SCAMP1: variants seen among roughly 807,000 people sequenced by gnomAD.
SCAMP1 encodes secretory carrier-associated membrane protein 1.
Under a neutral mutation model 41.8 loss-of-function variants are expected in SCAMP1, and 15 were observed. The observed-to-expected ratio is 0.36, with a 90% CI of 0.24 to 0.55. The LOEUF (loss-of-function observed/expected upper bound fraction) is 0.55. Ranked by LOEUF, SCAMP1 falls within the 20% of genes least tolerant of loss-of-function variation. The probability of loss-of-function intolerance (pLI) is 0.86; values close to 1 mark genes in which losing one functional copy is unlikely to be tolerated. For synonymous variants in SCAMP1, 135 were observed against 136.8 expected (o/e 0.99, Z 0.09); for missense variants, 341 against 412.6 (o/e 0.83, Z 1.50).
At chr5:78,415,653 C>G (rs1752193124) in intron 3 of SCAMP1, 35 bp downstream of exon 3, 4 of 1,234,696 alleles carry the variant, frequency 3.2e-6, no homozygotes, top group Admixed American at 2.0e-5. Context: ...TTCATATTGG[C>G]CATTATAATA....
chr5:78,436,475 T>C (rs968148492), intron 6 of SCAMP1, among the ~76,000 whole-genome samples: 3 of 152,246 alleles, frequency 2.0e-5, no homozygotes, highest in South Asian at 2.1e-4. Context: ...ATTTATTAAA[T>C]AGGGAATCCT....
chr5:78,447,196 G>A (rs950709520), intron 6 of SCAMP1, among the ~76,000 whole-genome samples: 2 of 152,156 alleles, frequency 1.3e-5, no homozygotes, highest in African/African-American at 4.8e-5. Flanking sequence ...CCACGAAACA[G>A]GTCCCTGGTG....
intron 2 of SCAMP1, among the ~76,000 whole-genome samples, chr5:78,404,453 G>GTTTTTTT (rs3058233): frequency 0.2 from 19,786 of 97,264 alleles, 2,254 homozygotes; most frequent in East Asian, 0.38. Context: ...AGCCTTACAG[G>GTTTTTTT]TTTTTTTTTT....
intron 1 of SCAMP1, among the ~76,000 whole-genome samples, chr5:78,369,036 A>G (rs1750870711): frequency 6.6e-6 from 1 of 151,894 alleles, no homozygotes; most frequent in African/African-American, 2.4e-5. Flanking sequence ...GTAATGTCTC[A>G]GGGAATAGGG....
chr5:78,442,028 C>T (rs1455365745), intron 6 of SCAMP1, among the ~76,000 whole-genome samples: 2 of 152,090 alleles, frequency 1.3e-5, no homozygotes, highest in Admixed American at 6.5e-5. Flanking sequence ...ACTCGGGAGG[C>T]TGAGGTGGGA....
At chr5:78,376,986 A>G (rs1751080357) in intron 1 of SCAMP1, among the ~76,000 whole-genome samples, 1 of 152,162 alleles carries the variant, frequency 6.6e-6, no homozygotes, top group South Asian at 2.1e-4. Flanking sequence ...AAGCTTAGAT[A>G]TGAAGAAGAT....
chr5:78,378,971 G>A (rs1229209651), intron 1 of SCAMP1, among the ~76,000 whole-genome samples: 6 of 152,188 alleles, frequency 3.9e-5, no homozygotes, highest in Non-Finnish European at 7.3e-5. Flanking sequence ...CCAGGTGACC[G>A]CAATGCGTGC....
chr5:78,459,266 T>A lies in SCAMP1; in HGVS notation c.756T>A (p.Thr252=). 4 of 1,586,984 alleles carry A rather than the reference T, an allele frequency of 2.5e-6. No homozygotes were observed. Among genetic ancestry groups the A allele is most frequent in the Non-Finnish European group, 3.5e-6 (4 of 1,156,452 alleles). Residue 252 remains threonine, a synonymous_variant, in exon 8 of 9, where the codon ACT becomes ACA. Transcript: ENST00000621999. ...TTAGTGGTTGGATTTCATCCCTTAC[T>A]GGTCTCAACCAAAATATTCCTGTTG... ...WGNCGWISSL[T]GLNQNIPVGI...
At chr5:78,381,854 G>A (rs1030423940) in intron 1 of SCAMP1, among the ~76,000 whole-genome samples, 64 of 152,216 alleles carry the variant, frequency 4.2e-4, no homozygotes, top group Admixed American at 3.9e-3. Flanking sequence ...CAGGCTAGAT[G>A]GTTAGAAGCC....
Position 78,477,181 on chromosome 5 carries a change from G to A in SCAMP1, c.*1513G>A, listed in dbSNP as rs1160814972. 2 of 152,112 alleles carry A rather than the reference G, an allele frequency of 1.3e-5. No individual in the cohort carries two copies. The highest frequency in any genetic ancestry group is 4.8e-5 in the African/African-American group (2 of 41,428). 9.4% of individuals were successfully genotyped at this position (152,112 alleles called of 1,614,324 possible). A position where few individuals can be genotyped will look rare whatever the true frequency, so the allele number is the denominator to read the frequency against. On this transcript the variant is annotated 3_prime_UTR_variant, in exon 9 of 9. Transcript: ENST00000621999. ...TAGTTACAGAAAAAGTTTTATGCTA[G>A]AGGTGGGATGCCAAGTTTTCACTAT...
At chr5:78,388,001 G>A (rs1274237693) in intron 1 of SCAMP1, among the ~76,000 whole-genome samples, 1 of 152,230 alleles carries the variant, frequency 6.6e-6, no homozygotes, top group Non-Finnish European at 1.5e-5. Context: ...GAGCTCCCAA[G>A]AGATTATGTC....
chr5:78,442,235 A>ATGGAGG (rs1394772366), intron 6 of SCAMP1, among the ~76,000 whole-genome samples: 7 of 152,218 alleles, frequency 4.6e-5, no homozygotes, highest in Admixed American at 1.3e-4. Flanking sequence ...GATAGGTATC[A>ATGGAGG]TGGAGGCTTA....
At chr5:78,454,600 G>T (rs1753334790) in intron 7 of SCAMP1, among the ~76,000 whole-genome samples, 1 of 152,056 alleles carries the variant, frequency 6.6e-6, no homozygotes, top group South Asian at 2.1e-4. Context: ...TTTTATTGAG[G>T]ATTTTTGCGT....
rs191626462 is a variant in SCAMP1, at chr5:78,385,001, C to T, written c.58-3836C>T. On this transcript the variant is annotated intron_variant, in intron 1 of 8. Coordinates refer to ENST00000621999, the MANE Select transcript of SCAMP1 (RefSeq NM_004866.6). ...AGGGGGGGATTCCCTCTCTGTTTTT[C>T]GGAATAGTGCCAATAGGATTGATAC... Among the ~76,000 whole-genome samples the T allele has an allele frequency of 7.0e-3, 1,070 of 151,920 alleles. 8 individuals are homozygous for T. The highest frequency in any genetic ancestry group is 0.024 in the African/African-American group (995 of 41,482).
At chr5:78,376,830 G>C (rs557311625) in intron 1 of SCAMP1, among the ~76,000 whole-genome samples, 1 of 152,064 alleles carries the variant, frequency 6.6e-6, no homozygotes, top group Non-Finnish European at 1.5e-5. Context: ...GGATTTTTTT[G>C]TTTGTTTGTT....
In SCAMP1 at chr5:78,415,598, G is replaced by C. The variant is rs757864357; in HGVS notation, c.214G>C (p.Ala72Pro). Residue 72 changes from alanine (A) to proline (P), a missense_variant, in exon 3 of 9, where the codon GCT becomes CCT. Coordinates refer to ENST00000621999, the MANE Select transcript of SCAMP1 (RefSeq NM_004866.6). ...AIMKPTEEHP[A>P]YTQIAKEHAL... ...AATGAAACCAACAGAGGAACATCCA[G>C]CTTATACACAGATTGCAAAGGTTAG... 6.2e-7 allele frequency: 1 copy of C among 1,600,592 alleles called. No individual in the cohort carries two copies. The highest frequency in any genetic ancestry group is 8.5e-7 in the Non-Finnish European group (1 of 1,172,344).
At chr5:78,420,598 G>A (rs1165171011) in intron 5 of SCAMP1, among the ~76,000 whole-genome samples, 1 of 152,104 alleles carries the variant, frequency 6.6e-6, no homozygotes, top group Non-Finnish European at 1.5e-5. Flanking sequence ...TTTAAAGTGG[G>A]AAAAGCTCCT....
intron 6 of SCAMP1, among the ~76,000 whole-genome samples, chr5:78,423,026 A>G (rs1347567404): frequency 5.5e-3 from 46 of 8,372 alleles, no homozygotes; most frequent in African/African-American, 0.02. Flanking sequence ...GCACACACAC[A>G]CACACACACA....
chr5:78,452,743 G>C (rs2112214248), intron 7 of SCAMP1, among the ~76,000 whole-genome samples: 1 of 149,086 alleles, frequency 6.7e-6, no homozygotes, highest in South Asian at 2.1e-4. Flanking sequence ...TCTAGTTCTA[G>C]ATCCCTGAGG....
Sources: allele counts gnomAD v4.1 joint callset (sites outside exome capture counted in the v4.1 genomes callset), GRCh38; gene constraint gnomAD v4.1.1; transcripts MANE v1.5; gene names NCBI Gene and HGNC (gene_info 2026-07-23, HGNC 2026-07-21).